The following OGFOD3 variants were observed in gnomAD, a reference collection of about 807,000 sequenced individuals.
The protein encoded by OGFOD3 is 2-oxoglutarate and iron dependent oxygenase domain containing 3.
Under a neutral mutation model 39.8 loss-of-function variants are expected in OGFOD3, and 35 were observed. The observed-to-expected ratio is 0.88, with a 90% CI of 0.67 to 1.17. The LOEUF (loss-of-function observed/expected upper bound fraction) is 1.17. Among genes scored for constraint, OGFOD3 ranks in the 50% most tolerant of loss-of-function variants. The probability of loss-of-function intolerance (pLI) is 0.00; values close to 1 mark genes in which losing one functional copy is unlikely to be tolerated. For synonymous variants in OGFOD3, 200 were observed against 192.0 expected (o/e 1.04, Z -0.34); for missense variants, 438 against 454.5 (o/e 0.96, Z 0.33).
intron 4 of OGFOD3, among the ~76,000 whole-genome samples, chr17:82,407,154 A>C (rs879262347): frequency 6.6e-6 from 1 of 151,910 alleles, no homozygotes; most frequent in African/African-American, 2.4e-5. Context: ...AATCCCAGCT[A>C]CTTGGGAGGC....
In OGFOD3 at chr17:82,404,188, C is replaced by T. The variant is rs1395393061; in HGVS notation, c.546-98G>A. On this transcript the variant is annotated intron_variant, in intron 6 of 8. Coordinates refer to ENST00000313056, the MANE Select transcript of OGFOD3 (RefSeq NM_024648.3). This position sits in a 1 kb window ranked among gnomAD's most constrained non-coding sequence, Gnocchi z 4.5. ...GGCAGGAAAGGAACCAGCCTTCGTA[C>T]GGCTCCGGGCCCGCGGGGCGGGGGC... The T allele has an allele frequency of 1.3e-5, 18 of 1,361,204 alleles. No individual in the cohort carries two copies. The highest frequency in any genetic ancestry group is 5.8e-5 in the African/African-American group (4 of 68,570). The allele number at this position is 1,361,204 out of a possible 1,614,324, so 84.3% of individuals were successfully genotyped here. A position where few individuals can be genotyped will look rare whatever the true frequency, so the allele number is the denominator to read the frequency against.
chr17:82,403,699 C>T (rs2052802041), intron 7 of OGFOD3, among the ~76,000 whole-genome samples: 1 of 152,206 alleles, frequency 6.6e-6, no homozygotes, highest in Non-Finnish European at 1.5e-5. Context: ...TGGTAGGTAG[C>T]CCCAGGCCAC....
intron 7 of OGFOD3, among the ~76,000 whole-genome samples, chr17:82,403,732 C>A (rs1252179943): frequency 1.3e-5 from 2 of 152,064 alleles, no homozygotes; most frequent in African/African-American, 4.8e-5. Context: ...CTCACCTTGA[C>A]CACATGCGCG....
intron 3 of OGFOD3, among the ~76,000 whole-genome samples, chr17:82,410,686 C>T (rs1410511668): frequency 6.7e-6 from 1 of 148,970 alleles, no homozygotes; most frequent in African/African-American, 2.5e-5. Context: ...AAAATCTGAG[C>T]TTGGCCCTTG....
chr17:82,413,069 G>A (rs1165977354), intron 2 of OGFOD3, among the ~76,000 whole-genome samples: 1 of 152,236 alleles, frequency 6.6e-6, no homozygotes, highest in Non-Finnish European at 1.5e-5. Flanking sequence ...AAGGGGGGCT[G>A]TAGTTACTGT....
chr17:82,392,556 A>G lies in OGFOD3; in HGVS notation c.824-22T>C. The G allele has an allele frequency of 6.4e-7, 1 of 1,568,446 alleles. No individual in the cohort carries two copies. The highest frequency in any genetic ancestry group is 8.6e-7 in the Non-Finnish European group (1 of 1,157,078). On this transcript the variant is annotated intron_variant, in intron 8 of 8. Transcript: ENST00000313056. This position sits in a 1 kb window ranked among gnomAD's most constrained non-coding sequence, Gnocchi z 4.2. ...CGACCTGGGAGAGGAGAAGAGAGAG[A>G]GGTGGCCATAGAGCCACACCCACGG...
chr17:82,398,075 C>T (rs189645181), intron 8 of OGFOD3, 121 bp downstream of exon 8: 34 of 1,276,810 alleles, frequency 2.7e-5, no homozygotes, highest in Non-Finnish European at 2.9e-5. Context: ...CACTCAGCAC[C>T]GGCCCGGCAC....
chr17:82,392,506 G>A lies in OGFOD3; in HGVS notation c.852C>T (p.Ser284=), dbSNP rs376456968. Residue 284 remains serine (S), a synonymous_variant, in exon 9 of 9, where the codon TCC becomes TCT. Transcript: ENST00000313056. The surrounding 1 kb of genome is among the most constrained non-coding windows in gnomAD (Gnocchi z 4.2). The part of the protein sequence containing the change: ...AGRVSFFTSG[S]ENLHRVEKVH... ...CCTTCTCCACGCGGTGTAGGTTCTC[G>A]GACCCCGAGGTGAAGAAGGAGACGC... 1.4e-5 allele frequency: 22 copies of A among 1,598,902 alleles called. No individual in the cohort carries two copies. The highest frequency in any genetic ancestry group is 3.3e-4 in the Middle Eastern group (2 of 5,980).
Position 82,394,653 on chromosome 17 carries a change from G to C in OGFOD3, c.824-2119C>G, listed in dbSNP as rs890245557. The C allele has an allele frequency of 1.0e-5, 8 of 791,932 alleles. No individual in the cohort carries two copies. The Middle Eastern group carries it at 1.7e-3, about 169-fold the overall frequency. 49.1% of individuals were successfully genotyped at this position (791,932 alleles called of 1,614,324 possible). ...GCCTGGCCTTTGCCCCGGCTCCCAG[G>C]GGGGACCTCTGAGCCCTCAGAACAT... On this transcript the variant is annotated intron_variant, in intron 8 of 8. Coordinates refer to ENST00000313056, the MANE Select transcript of OGFOD3 (RefSeq NM_024648.3).
rs543030654 is a variant in OGFOD3 at position 82,392,539 on chromosome 17, G to T, written c.824-5C>A. On this transcript the variant is annotated splice_polypyrimidine_tract_variant and splice_region_variant and intron_variant, in intron 8 of 8. Transcript: ENST00000313056. The surrounding 1 kb of genome is among the most constrained non-coding windows in gnomAD (Gnocchi z 4.2). ...AGGTGAAGAAGGAGACGCGACCTGG[G>T]AGAGGAGAAGAGAGAGAGGTGGCCA... 6.3e-7 allele frequency: 1 copy of T among 1,577,450 alleles called. No individual in the cohort carries two copies. Among genetic ancestry groups the T allele is most frequent in the Non-Finnish European group, 8.6e-7 (1 of 1,162,002 alleles).
At chr17:82,405,237 G>C in intron 6 of OGFOD3, 87 bp downstream of exon 6, 1 of 1,181,578 alleles carries the variant, frequency 8.5e-7, no homozygotes, top group African/African-American at 1.5e-5. Flanking sequence ...CTCTCCGTGG[G>C]GCCTCCCCGG....
intron 7 of OGFOD3, among the ~76,000 whole-genome samples, chr17:82,398,936 G>A (rs147341606): frequency 0.024 from 3,416 of 142,428 alleles, 172 homozygotes; most frequent in African/African-American, 0.086. Flanking sequence ...TTGGCCTCCC[G>A]GGTGCTGGGA....
chr17:82,398,169 C>A (rs201164804), intron 8 of OGFOD3, 27 bp downstream of exon 8: 42 of 1,613,264 alleles, frequency 2.6e-5, no homozygotes, highest in African/African-American at 6.7e-5. Flanking sequence ...AGGAGCCCCA[C>A]GCCCAGGCCC....
chr17:82,394,529 G>A (rs1338138803), intron 8 of OGFOD3: 44 of 1,610,672 alleles, frequency 2.7e-5, no homozygotes, highest in East Asian at 4.5e-5. Context: ...GACATCATCC[G>A]GAAACAAAAA....
At chr17:82,403,474 A>C (rs1016784091) in intron 7 of OGFOD3, among the ~76,000 whole-genome samples, 1 of 152,148 alleles carries the variant, frequency 6.6e-6, no homozygotes, top group African/African-American at 2.4e-5. Context: ...TCTACTAAAA[A>C]TACAAAAATT....
intron 8 of OGFOD3, among the ~76,000 whole-genome samples, chr17:82,397,389 C>T (rs187884639): frequency 4.8e-4 from 9 of 18,914 alleles, no homozygotes; most frequent in Non-Finnish European, 6.4e-4. Flanking sequence ...GCCCTGGGGA[C>T]GGGTGAGGCA....
rs748470422 is a variant in OGFOD3 at position 82,398,256 on chromosome 17, C to T, written c.763G>A (p.Gly255Ser). 2.1e-5 allele frequency: 34 copies of T among 1,614,018 alleles called. No individual in the cohort carries two copies. Among genetic ancestry groups the T allele is most frequent in the African/African-American group, 2.7e-5 (2 of 74,914 alleles). Residue 255 changes from glycine to serine, a missense_variant, in exon 8 of 9, where the codon GGC becomes AGC. Physicochemically the swap from Gly to Ser is moderately conservative, Grantham distance 56. Coordinates refer to ENST00000313056, the MANE Select transcript of OGFOD3 (RefSeq NM_024648.3). Reference sequence around the variant, plus strand: ...TCCATGAACATGAACCGCCCTCCGCCGAAGTCCTCCAGGTAGTTGGAGAGG... The same window carrying T: ...TCCATGAACATGAACCGCCCTCCGCTGAAGTCCTCCAGGTAGTTGGAGAGG... The part of the protein sequence containing the change: ...LYLSNYLEDF[G>S]GGRFMFMEEG...
Position 82,415,790 on chromosome 17 carries a change from C to T in OGFOD3, c.75-163G>A, listed in dbSNP as rs775462524. Among the ~76,000 whole-genome samples the T allele has an allele frequency of 4.6e-5, 7 of 152,074 alleles. No homozygotes were observed. The highest frequency in any genetic ancestry group is 1.2e-4 in the African/African-American group (5 of 41,396). On this transcript the variant is annotated intron_variant, in intron 1 of 8. Coordinates refer to ENST00000313056, the MANE Select transcript of OGFOD3 (RefSeq NM_024648.3). This position sits in a 1 kb window ranked among gnomAD's most constrained non-coding sequence, Gnocchi z 5.3. ...GCCAGCGCTGTCCACTCAGGAAACA[C>T]GGACTCTTCCCTCCCTTTCCCTTCA... is the stretch of plus-strand genomic sequence containing the variant.
rs1023504860 is a variant in OGFOD3 at position 82,415,396 on chromosome 17, A to G, written c.304+2T>C. 5.0e-6 allele frequency: 8 copies of G among 1,611,622 alleles called. No homozygotes were observed. Among genetic ancestry groups the G allele is most frequent in the Non-Finnish European group, 6.8e-6 (8 of 1,178,156 alleles). ...TTTTAAAGTGTTGCTTTCCTGAACT[A>G]CCTTCGAACCTGCGGTGACTGTCGT... On this transcript the variant is annotated splice_donor_variant, in intron 2 of 8. Transcript: ENST00000313056. LOFTEE classifies it high-confidence loss of function. The surrounding 1 kb of genome is among the most constrained non-coding windows in gnomAD (Gnocchi z 5.3).
Sources: allele counts gnomAD v4.1 joint callset (sites outside exome capture counted in the v4.1 genomes callset), GRCh38; gene constraint gnomAD v4.1.1; non-coding constraint Gnocchi (gnomAD v3.1); transcripts MANE v1.5; gene names NCBI Gene and HGNC (gene_info 2026-07-23, HGNC 2026-07-21).